Variants in CPA6 observed in about 807,000 individuals in gnomAD.
CPA6 encodes carboxypeptidase B.
CPA6 carries 58 observed loss-of-function variants against 63.3 expected under a neutral mutation model. That is an observed-to-expected ratio of 0.92 (90% confidence interval 0.74 to 1.14). The LOEUF is 1.14. Ranked by LOEUF, CPA6 falls within the 50% of genes most tolerant of loss-of-function variation. The pLI is 0.00. For synonymous variants in CPA6, 185 were observed against 179.0 expected (o/e 1.03, Z -0.27); for missense variants, 565 against 526.6 (o/e 1.07, Z -0.71).
chr8:67,654,546 A>C (rs1815936732), intron 1 of CPA6, among the ~76,000 whole-genome samples: 1 of 152,102 alleles, frequency 6.6e-6, no homozygotes, highest in African/African-American at 2.4e-5. Flanking sequence ...TGTTTGTAGT[A>C]TTCTCTGATG....
chr8:67,690,853 T>C (rs898562153), intron 1 of CPA6, among the ~76,000 whole-genome samples: 12 of 152,186 alleles, frequency 7.9e-5, no homozygotes, highest in African/African-American at 2.9e-4. Context: ...CAAGCAACAA[T>C]GAAATGCCAA....
chr8:67,678,227 TCACACACA>T (rs1229557199), intron 1 of CPA6, among the ~76,000 whole-genome samples: 4 of 127,590 alleles, frequency 3.1e-5, no homozygotes, highest in African/African-American at 1.3e-4. Flanking sequence ...AAACTCTGTC[TCACACACA>T]CACACACACA....
intron 8 of CPA6, among the ~76,000 whole-genome samples, chr8:67,474,762 G>A (rs1210049880): frequency 2.0e-5 from 3 of 152,114 alleles, no homozygotes; most frequent in African/African-American, 7.2e-5. Flanking sequence ...GATCGTTTAA[G>A]CCCAGGAACT....
At chr8:67,652,078 A>AT (rs1815855371) in intron 1 of CPA6, among the ~76,000 whole-genome samples, 1 of 152,060 alleles carries the variant, frequency 6.6e-6, no homozygotes, top group Admixed American at 6.6e-5. Flanking sequence ...TGAACTCATC[A>AT]TTTTTTATGG....
At position 67,654,054 on chromosome 8, in the gene CPA6, G is replaced by T. The variant is rs1358167855; in HGVS notation, c.117-29803C>A. Among the ~76,000 whole-genome samples, 5 of 152,132 alleles carry T rather than the reference G, an allele frequency of 3.3e-5. No individual in the cohort carries two copies. The East Asian group carries it at 7.7e-4, about 24-fold the overall frequency. On this transcript the variant is annotated intron_variant, in intron 1 of 10. Coordinates refer to ENST00000297770, the MANE Select transcript of CPA6 (RefSeq NM_020361.5). ...TATGCTGGATTACATTTACTGATTT[G>T]CATATATTGAACCAGCCTTGCATCC...
chr8:67,520,365 C>T lies in CPA6; in HGVS notation c.193-2318G>A, dbSNP rs76540660. Among the ~76,000 whole-genome samples the T allele has an allele frequency of 1.2e-4, 19 of 152,222 alleles. No homozygotes were observed. The East Asian group carries it at 2.9e-3, about 23-fold the overall frequency. ...GAGAAAGCTTCCTGGGAAACTTTCT[C>T]ACAAAGTGTGCTCAGAAATGTGCTC... is the stretch of plus-strand genomic sequence containing the variant. On this transcript the variant is annotated intron_variant, in intron 2 of 10. Transcript: ENST00000297770.
At chr8:67,712,305 T>C (rs1023619415) in intron 1 of CPA6, among the ~76,000 whole-genome samples, 1 of 152,160 alleles carries the variant, frequency 6.6e-6, no homozygotes, top group African/African-American at 2.4e-5. Context: ...TTTGTGGATA[T>C]ATGTTTGCAC....
At chr8:67,592,474 C>T (rs1353810088) in intron 2 of CPA6, among the ~76,000 whole-genome samples, 1 of 151,852 alleles carries the variant, frequency 6.6e-6, no homozygotes, top group Non-Finnish European at 1.5e-5. Flanking sequence ...ACCAGTTCCT[C>T]CTTGTACCTC....
chr8:67,638,514 GC>G (rs1815520392), intron 1 of CPA6, among the ~76,000 whole-genome samples: 1 of 151,520 alleles, frequency 6.6e-6, no homozygotes, highest in South Asian at 2.1e-4. Context: ...GTGATGTGCT[GC>G]TCAAGTCACC....
Position 67,592,478 on chromosome 8 carries a change from G to T in CPA6, c.192+31698C>A, listed in dbSNP as rs564394209. On this transcript the variant is annotated intron_variant, in intron 2 of 10. Transcript: ENST00000297770. Reference sequence around the variant, plus strand: ...GAAGGAATGGTACCAGTTCCTCCTTGTACCTCTGGTAGAATTCGGCTGTGA... The same window carrying T: ...GAAGGAATGGTACCAGTTCCTCCTTTTACCTCTGGTAGAATTCGGCTGTGA... 5.0e-3 allele frequency among the ~76,000 whole-genome samples: 764 copies of T among 151,796 alleles called. 8 individuals carry two copies. Among genetic ancestry groups the T allele is most frequent in the African/African-American group, 0.017 (717 of 41,360 alleles).
At chr8:67,534,188 A>G (rs1812535532) in intron 2 of CPA6, among the ~76,000 whole-genome samples, 4 of 152,218 alleles carry the variant, frequency 2.6e-5, no homozygotes, top group Non-Finnish European at 4.4e-5. Flanking sequence ...GCACATAGGT[A>G]TTCTTCAGGG....
intron 10 of CPA6, 91 bp downstream of exon 10, chr8:67,427,956 G>T: frequency 1.2e-6 from 1 of 820,420 alleles, no homozygotes; most frequent in Non-Finnish European, 2.0e-6. Context: ...ACTTTAGGGA[G>T]AACACACTTT....
chr8:67,449,028 G>C (rs1810497758), intron 8 of CPA6, among the ~76,000 whole-genome samples: 1 of 152,142 alleles, frequency 6.6e-6, no homozygotes, highest in Non-Finnish European at 1.5e-5. Flanking sequence ...GAAGAGGGAG[G>C]ATCACTTGAG....
chr8:67,467,445 C>T (rs889985803), intron 8 of CPA6, among the ~76,000 whole-genome samples: 5 of 152,168 alleles, frequency 3.3e-5, no homozygotes, highest in African/African-American at 1.2e-4. Context: ...GGATTCTGAC[C>T]TCCTACTAGC....
chr8:67,650,282 T>C (rs1394035376), intron 1 of CPA6, among the ~76,000 whole-genome samples: 1 of 152,092 alleles, frequency 6.6e-6, no homozygotes, highest in Non-Finnish European at 1.5e-5. Flanking sequence ...CACCTCAAAT[T>C]AGACAAAATT....
intron 2 of CPA6, among the ~76,000 whole-genome samples, chr8:67,603,659 G>T (rs1169525296): frequency 6.6e-6 from 1 of 152,212 alleles, no homozygotes; most frequent in Non-Finnish European, 1.5e-5. Flanking sequence ...ACCTGGGGTT[G>T]TGGTAGTCCA....
At chr8:67,694,451 A>C in intron 1 of CPA6, among the ~76,000 whole-genome samples, 1 of 152,278 alleles carries the variant, frequency 6.6e-6, no homozygotes, top group East Asian at 1.9e-4. Flanking sequence ...CCCATCATGA[A>C]CTAAGTGTTA....
chr8:67,680,250 C>A (rs1816563361), intron 1 of CPA6, among the ~76,000 whole-genome samples: 1 of 152,094 alleles, frequency 6.6e-6, no homozygotes. Flanking sequence ...GTCTGTAATT[C>A]CAGCACTTTG....
chr8:67,634,186 ATT>A lies in CPA6; in HGVS notation c.117-9937_117-9936del, dbSNP rs1815411543. ...CTCCAAGTCACTGGATTTAATTATT[ATT>A]ATTATTATTATTATTATTATTATTA... On this transcript the variant is annotated intron_variant, in intron 1 of 10. Coordinates refer to ENST00000297770, the MANE Select transcript of CPA6 (RefSeq NM_020361.5). Among the ~76,000 whole-genome samples, 3 of 39,904 alleles carry A rather than the reference ATT, an allele frequency of 7.5e-5. No homozygotes were observed. In the South Asian group the frequency reaches 1.8e-3, roughly 24 times the overall value. The allele number at this position is 39,904 out of a possible 152,430, so 26.2% of individuals were successfully genotyped here.
Sources: allele counts gnomAD v4.1 joint callset (sites outside exome capture counted in the v4.1 genomes callset), GRCh38; gene constraint gnomAD v4.1.1; transcripts MANE v1.5; gene names NCBI Gene and HGNC (gene_info 2026-07-23, HGNC 2026-07-21).